The following LINGO2 variants were observed in gnomAD, a reference collection of about 807,000 sequenced individuals.
The protein encoded by LINGO2 is leucine-rich repeat and immunoglobulin-like domain-containing nogo receptor-interacting protein 2.
A neutral mutation model predicts 30.6 loss-of-function variants in LINGO2; 14 were observed. That is an observed-to-expected ratio of 0.46 (90% CI 0.30 to 0.72). LINGO2 has a LOEUF of 0.72. Among genes scored for constraint, LINGO2 ranks in the 30% least tolerant of loss-of-function variants. LINGO2 has a pLI of 0.07. For synonymous variants in LINGO2, 317 were observed against 288.5 expected (o/e 1.10, Z -1.00); for missense variants, 729 against 751.7 (o/e 0.97, Z 0.35).
chr9:28,143,948 C>T (rs968847192), intron 4 of LINGO2, among the ~76,000 whole-genome samples: 7 of 152,016 alleles, frequency 4.6e-5, no homozygotes, highest in African/African-American at 1.7e-4. Context: ...TTGCAGTAAG[C>T]ATATGCTTAA....
chr9:28,157,406 C>T (rs1055580167), intron 4 of LINGO2, among the ~76,000 whole-genome samples: 10 of 152,164 alleles, frequency 6.6e-5, no homozygotes, highest in Admixed American at 2.0e-4. Context: ...TGATCCAGCA[C>T]AAGGACACTG....
At chr9:28,009,613 T>A (rs564028479) in intron 5 of LINGO2, among the ~76,000 whole-genome samples, 48 of 152,110 alleles carry the variant, frequency 3.2e-4, no homozygotes, top group African/African-American at 1.1e-3. Flanking sequence ...ATGAAAAAAA[T>A]ATTCAACATC....
the LINGO2 span, among the ~76,000 whole-genome samples, chr9:28,838,640 C>T: frequency 6.6e-6 from 1 of 152,174 alleles, no homozygotes; most frequent in Non-Finnish European, 1.5e-5. Flanking sequence ...CTCTCATTCT[C>T]CTATATATTC....
the LINGO2 span, among the ~76,000 whole-genome samples, chr9:29,090,164 T>A: frequency 6.6e-6 from 1 of 152,038 alleles, no homozygotes; most frequent in Non-Finnish European, 1.5e-5. Context: ...TTCTCCCATA[T>A]CTTTGCTAAT....
the LINGO2 span, among the ~76,000 whole-genome samples, chr9:28,766,796 G>A: frequency 7.7e-6 from 1 of 130,446 alleles, no homozygotes; most frequent in Non-Finnish European, 1.5e-5. Flanking sequence ...GAGGGAGAGA[G>A]AGAGAGAGGG....
At chr9:28,448,575 G>T (rs1824520430) in intron 2 of LINGO2, among the ~76,000 whole-genome samples, 1 of 152,052 alleles carries the variant, frequency 6.6e-6, no homozygotes, top group South Asian at 2.1e-4. Flanking sequence ...AGAACATACA[G>T]TTTTCAAAAA....
chr9:29,084,258 T>C, the LINGO2 span, among the ~76,000 whole-genome samples: 2 of 152,058 alleles, frequency 1.3e-5, no homozygotes, highest in African/African-American at 4.8e-5. Flanking sequence ...CTTATTTTCT[T>C]TGGGAGAAAT....
the LINGO2 span, among the ~76,000 whole-genome samples, chr9:28,695,302 T>C: frequency 2.6e-5 from 4 of 152,108 alleles, no homozygotes; most frequent in South Asian, 2.1e-4. Context: ...AAGCTTTTAA[T>C]TGATATATAA....
Position 28,061,668 on chromosome 9 carries a change from A to G in LINGO2, c.-86-49263T>C, listed in dbSNP as rs1239962198. ...CCACTTCTACAAGTTTCTCTCTAAA[A>G]TTCATCCCAATAACCTAGAGATCCT... On this transcript the variant is annotated intron_variant, in intron 4 of 5. Coordinates refer to ENST00000379992, the Ensembl canonical transcript of LINGO2. Among the ~76,000 whole-genome samples, 3 of 152,060 alleles carry G rather than the reference A, an allele frequency of 2.0e-5. No individual in the cohort carries two copies. The East Asian group carries it at 5.8e-4, about 29-fold the overall frequency.
At chr9:28,711,445 G>A in the LINGO2 span, among the ~76,000 whole-genome samples, 1 of 152,088 alleles carries the variant, frequency 6.6e-6, no homozygotes, top group East Asian at 1.9e-4. Context: ...CACATGGCAA[G>A]TACTCAGTAT....
the LINGO2 span, among the ~76,000 whole-genome samples, chr9:28,906,438 A>G: frequency 6.6e-6 from 1 of 151,788 alleles, no homozygotes; most frequent in Non-Finnish European, 1.5e-5. Context: ...ATTAAAAATA[A>G]TTAATTTTAA....
rs1287808866 is a variant in LINGO2, at chr9:28,129,767, A to G, written c.-86-117362T>C. On this transcript the variant is annotated intron_variant, in intron 4 of 5. Transcript: ENST00000379992. The surrounding 1 kb of genome is among the most constrained non-coding windows in gnomAD (Gnocchi z 4.0). ...ATAGACATATTGCTGGTGATTTGAA[A>G]ACAATAACCTAGTCATAAGCTTTTA... The G allele has an allele frequency of 6.6e-6, 1 of 151,786 alleles. No individual in the cohort carries two copies. Among genetic ancestry groups the G allele is most frequent in the African/African-American group, 2.4e-5 (1 of 41,028 alleles). 9.4% of individuals were successfully genotyped at this position (151,786 alleles called of 1,614,324 possible). A position where few individuals can be genotyped will look rare whatever the true frequency, so the allele number is the denominator to read the frequency against.
intron 1 of LINGO2, among the ~76,000 whole-genome samples, chr9:28,582,045 G>A (rs758249648): frequency 4.0e-5 from 6 of 151,880 alleles, no homozygotes; most frequent in Admixed American, 2.6e-4. Flanking sequence ...TGTATTTAAT[G>A]ATTCTGTCCT....
intron 4 of LINGO2, among the ~76,000 whole-genome samples, chr9:28,232,264 T>G (rs1323615132): frequency 6.6e-6 from 1 of 151,820 alleles, no homozygotes; most frequent in Non-Finnish European, 1.5e-5. Context: ...CTAGGCATGG[T>G]GGCACACACC....
intron 4 of LINGO2, among the ~76,000 whole-genome samples, chr9:28,046,289 G>A (rs1824418285): frequency 6.6e-6 from 1 of 152,184 alleles, no homozygotes; most frequent in Non-Finnish European, 1.5e-5. Flanking sequence ...GGACCATTAA[G>A]AATTTATCTA....
the LINGO2 span, among the ~76,000 whole-genome samples, chr9:28,774,957 T>C: frequency 6.6e-6 from 1 of 150,862 alleles, no homozygotes; most frequent in East Asian, 2.0e-4. Context: ...CAGGAACAAA[T>C]CGTCGAATAA....
intron 5 of LINGO2, among the ~76,000 whole-genome samples, chr9:28,002,856 T>C (rs1200964677): frequency 1.3e-5 from 2 of 152,036 alleles, no homozygotes; most frequent in Admixed American, 6.5e-5. Flanking sequence ...GTTAGCTGCG[T>C]TGGTGTGTTT....
intron 2 of LINGO2, among the ~76,000 whole-genome samples, chr9:28,430,801 T>C (rs1587663257): frequency 6.6e-6 from 1 of 152,256 alleles, no homozygotes; most frequent in East Asian, 1.9e-4. Context: ...CTGATGGTTC[T>C]GGCTCAAGGT....
chr9:29,104,516 T>C, the LINGO2 span, among the ~76,000 whole-genome samples: 22 of 152,122 alleles, frequency 1.4e-4, no homozygotes, highest in Non-Finnish European at 2.8e-4. Flanking sequence ...CTTTTCTTTA[T>C]AAATTACCCA....
Sources: allele counts gnomAD v4.1 joint callset (sites outside exome capture counted in the v4.1 genomes callset), GRCh38; gene constraint gnomAD v4.1.1; non-coding constraint Gnocchi (gnomAD v3.1); transcripts MANE v1.5; gene names NCBI Gene and HGNC (gene_info 2026-07-23, HGNC 2026-07-21).